Variants in SCUBE1 observed in about 807,000 individuals in gnomAD.
The protein encoded by SCUBE1 is signal peptide, CUB domain and EGF like domain containing 1, also known as signal peptide, CUB and EGF-like domain-containing protein 1.
SCUBE1 carries 59 observed loss-of-function variants against 124.4 expected under a neutral mutation model. The ratio of observed to expected loss-of-function variants is 0.47; its 90% confidence interval spans 0.38 to 0.59. SCUBE1 has a LOEUF of 0.59. Among genes scored for constraint, SCUBE1 ranks in the 20% least tolerant of loss-of-function variants. The pLI is 0.00. For synonymous variants in SCUBE1, 545 were observed against 550.9 expected (o/e 0.99, Z 0.15); for missense variants, 1,150 against 1,371.2 (o/e 0.84, Z 2.55).
chr22:43,341,722 G>C (rs868675229), intron 1 of SCUBE1, among the ~76,000 whole-genome samples: 6 of 152,170 alleles, frequency 3.9e-5, no homozygotes, highest in African/African-American at 1.4e-4. Flanking sequence ...GCTCCTGTCT[G>C]GGCTGGAGAC....
intron 3 of SCUBE1, among the ~76,000 whole-genome samples, chr22:43,300,023 G>A (rs11913616): frequency 0.055 from 8,308 of 152,192 alleles, 655 homozygotes; most frequent in African/African-American, 0.17. Context: ...GTATCTCTTC[G>A]TGAGCTGATG....
At chr22:43,310,125 C>A (rs1304115787) in intron 3 of SCUBE1, among the ~76,000 whole-genome samples, 1 of 152,146 alleles carries the variant, frequency 6.6e-6, no homozygotes, top group Admixed American at 6.6e-5. Context: ...CCAGCCCCGG[C>A]CCGCCTCGTT....
chr22:43,289,146 TG>T (rs1402188750), intron 4 of SCUBE1, among the ~76,000 whole-genome samples: 2 of 152,248 alleles, frequency 1.3e-5, no homozygotes, highest in Non-Finnish European at 2.9e-5. Context: ...CACGCCACCC[TG>T]GCCTGGGACT....
chr22:43,333,037 C>T (rs1012620245), intron 2 of SCUBE1, among the ~76,000 whole-genome samples: 11 of 152,178 alleles, frequency 7.2e-5, no homozygotes, highest in African/African-American at 2.7e-4. Flanking sequence ...CTTTGAGGAG[C>T]TCACATTCCA....
At chr22:43,288,697 C>T (rs554153205) in intron 4 of SCUBE1, among the ~76,000 whole-genome samples, 10 of 152,376 alleles carry the variant, frequency 6.6e-5, no homozygotes, top group East Asian at 1.9e-4. Flanking sequence ...TCCCAAGGAG[C>T]GGGCCCCATA....
Position 43,258,288 on chromosome 22 carries a change from T to C in SCUBE1, c.658A>G (p.Thr220Ala). The change falls in exon 6 of 22, where the codon ACA becomes GCA. Residue 220 changes from threonine (T) to alanine (A), a missense_variant. This residue lies in a region of SCUBE1 where 337 missense variants were observed against 482.1 expected (regional missense o/e 0.70). Coordinates refer to ENST00000360835, the MANE Select transcript of SCUBE1 (RefSeq NM_173050.5). This position sits in a 1 kb window ranked among gnomAD's most constrained non-coding sequence, Gnocchi z 5.0. ...CAACCACACGTGGGGCCTGTGTCTGTGTCCTCACAGCTGTGCTGGCAGCCT... is the reference window on the plus strand; with the variant it reads ...CAACCACACGTGGGGCCTGTGTCTGCGTCCTCACAGCTGTGCTGGCAGCCT... ...NGGCQHSCED[T>A]DTGPTCGCHQ... 1 of 1,614,154 alleles carries C rather than the reference T, an allele frequency of 6.2e-7. No individual in the cohort carries two copies. The highest frequency in any genetic ancestry group is 8.5e-7 in the Non-Finnish European group (1 of 1,179,990).
rs1349655093 is a variant in SCUBE1, at chr22:43,319,944, G to A, written c.342C>T (p.Asn114=). The stretch of plus-strand genomic sequence containing the variant: ...TACAGCTGTATCACTCACCCAGGCA[G>A]TTGTGTCCATCGTGTGCCAGCATGA... ...DGFMLAHDGH[N]CLDVDECQDN... The change falls in exon 3 of 22, where the codon AAC becomes AAT. Residue 114 remains asparagine (N), a synonymous_variant. Coordinates refer to ENST00000360835, the MANE Select transcript of SCUBE1 (RefSeq NM_173050.5). 1 of 1,614,114 alleles carries A rather than the reference G, an allele frequency of 6.2e-7. No individual in the cohort carries two copies. The highest frequency in any genetic ancestry group is 2.2e-5 in the East Asian group (1 of 44,878).
chr22:43,322,828 TG>T (rs1217812677), intron 2 of SCUBE1, among the ~76,000 whole-genome samples: 1 of 152,218 alleles, frequency 6.6e-6, no homozygotes, highest in Non-Finnish European at 1.5e-5. Context: ...ATTCTATGCT[TG>T]GGTAAAAGAA....
At chr22:43,283,451 T>A (rs577573346) in intron 4 of SCUBE1, 1 of 152,202 alleles carries the variant, frequency 6.6e-6, no homozygotes, top group East Asian at 1.9e-4. Context: ...GTTCGAGGGG[T>A]CAAATGAAGC....
At chr22:43,238,055 G>GAGAGAC (rs1321117871) in intron 7 of SCUBE1, 3 of 152,480 alleles carry the variant, frequency 2.0e-5, no homozygotes, top group East Asian at 1.9e-4. Context: ...GCTGTCTCGA[G>GAGAGAC]AGCCCACCCA....
chr22:43,338,972 C>A, intron 2 of SCUBE1, 132 bp downstream of exon 2: 1 of 1,053,080 alleles, frequency 9.5e-7, no homozygotes, highest in Non-Finnish European at 1.4e-6. Context: ...TGAGAGAAGC[C>A]TGTGCTGTCA....
At chr22:43,245,406 GGCT>G (rs1422951159) in intron 6 of SCUBE1, among the ~76,000 whole-genome samples, 1 of 152,242 alleles carries the variant, frequency 6.6e-6, no homozygotes, top group East Asian at 1.9e-4. Flanking sequence ...TCTGCCCCAG[GGCT>G]GCCTGGGGAC....
At chr22:43,264,448 C>T (rs1372579433) in intron 4 of SCUBE1, among the ~76,000 whole-genome samples, 1 of 152,148 alleles carries the variant, frequency 6.6e-6, no homozygotes, top group Non-Finnish European at 1.5e-5. Flanking sequence ...CGTGGCTCCT[C>T]CCTGGGGCCT....
intron 8 of SCUBE1, among the ~76,000 whole-genome samples, chr22:43,229,765 C>A (rs1922479688): frequency 6.6e-6 from 1 of 152,174 alleles, no homozygotes; most frequent in Non-Finnish European, 1.5e-5. Context: ...AGCTTCCTGG[C>A]AGCCAAGGTA....
At chr22:43,239,507 G>A (rs1251327823) in intron 6 of SCUBE1, among the ~76,000 whole-genome samples, 3 of 152,268 alleles carry the variant, frequency 2.0e-5, no homozygotes, top group Non-Finnish European at 2.9e-5. Context: ...CTCACTGAGT[G>A]ATATGCCAAA....
In SCUBE1 at chr22:43,217,439, T is replaced by A. The variant is rs1921880495; in HGVS notation, c.1891+816A>T. ...CACCTCTGCCCAATTGGCCAAACCCTTGGAGTCGTCCTTGAAGTCTGTCTC... is the reference window on the plus strand; with the variant it reads ...CACCTCTGCCCAATTGGCCAAACCCATGGAGTCGTCCTTGAAGTCTGTCTC... On this transcript the variant is annotated intron_variant, in intron 15 of 21. Coordinates refer to ENST00000360835, the MANE Select transcript of SCUBE1 (RefSeq NM_173050.5). Among the ~76,000 whole-genome samples, 2 of 151,096 alleles carry A rather than the reference T, an allele frequency of 1.3e-5. 1 individual carries two copies. Among genetic ancestry groups the A allele is most frequent in the Admixed American group, 1.3e-4 (2 of 15,210 alleles).
At chr22:43,318,326 G>A (rs956841734) in intron 3 of SCUBE1, 1 of 152,148 alleles carries the variant, frequency 6.6e-6, no homozygotes, top group Non-Finnish European at 1.5e-5. Context: ...CCAGAGGCCT[G>A]GGCAATATAG....
Position 43,287,653 on chromosome 22 carries a change from G to A in SCUBE1, c.484+3393C>T, listed in dbSNP as rs184408233. On this transcript the variant is annotated intron_variant, in intron 4 of 21. Coordinates refer to ENST00000360835, the MANE Select transcript of SCUBE1 (RefSeq NM_173050.5). The stretch of plus-strand genomic sequence containing the variant: ...CCTGTGTGCTTTTCTCCCTGTTCAG[G>A]GGTAGGCTCCAAAGAGCTGGACAGG... 2.5e-4 allele frequency among the ~76,000 whole-genome samples: 38 copies of A among 152,338 alleles called. No homozygotes were observed. In the South Asian group the frequency reaches 3.5e-3, roughly 14 times the overall value.
chr22:43,242,819 A>T (rs1359605495), intron 6 of SCUBE1, among the ~76,000 whole-genome samples: 1 of 152,128 alleles, frequency 6.6e-6, no homozygotes, highest in African/African-American at 2.4e-5. Context: ...GAGATCATGG[A>T]ACAATACAGC....
Sources: gnomAD v4.1 joint callset for allele counts (sites outside exome capture counted in the v4.1 genomes callset) on GRCh38, gnomAD v4.1.1 for gene constraint, gnomAD v4.1.1 regional missense constraint, Gnocchi (gnomAD v3.1) non-coding constraint, MANE v1.5 for transcripts, NCBI Gene and HGNC (gene_info 2026-07-23, HGNC 2026-07-21) for gene names.